The following TMEM63A variants were observed in gnomAD, a reference collection of about 807,000 sequenced individuals.
The protein encoded by TMEM63A is mechanosensitive cation channel TMEM63A.
TMEM63A carries 76 observed loss-of-function variants against 100.6 expected under a neutral mutation model. The observed-to-expected ratio is 0.76, with a 90% CI of 0.63 to 0.91. The LOEUF (loss-of-function observed/expected upper bound fraction) is 0.91, where lower values mean the gene tolerates loss of function less well. TMEM63A is among the 40% of genes least tolerant of loss of function. The probability of loss-of-function intolerance (pLI) is 0.00; values close to 1 mark genes in which losing one functional copy is unlikely to be tolerated. For missense variants in TMEM63A, 876 were observed against 1,008.8 expected, an observed-to-expected ratio of 0.87 and a Z score of 1.78; for synonymous variants, 401 against 401.1, an observed-to-expected ratio of 1.00 and a Z score of 0.00.
In TMEM63A at chr1:225,862,673, A is replaced by G. The variant is rs1232010397; in HGVS notation, c.828-95T>C. On this transcript the variant is annotated intron_variant, in intron 11 of 24. Transcript: ENST00000366835. This position sits in a 1 kb window ranked among gnomAD's most constrained non-coding sequence, Gnocchi z 5.1. Reference sequence around the variant, plus strand: ...GTTCAACCATCGAACGCCAGGGGAGAAGGAGGGGTCCAGGGCCTCCCGCCT... The same window carrying G: ...GTTCAACCATCGAACGCCAGGGGAGGAGGAGGGGTCCAGGGCCTCCCGCCT... 2.5e-6 allele frequency: 4 copies of G among 1,603,534 alleles called. No homozygotes were observed. Among genetic ancestry groups the G allele is most frequent in the Middle Eastern group, 1.9e-4 (1 of 5,150 alleles).
downstream of TMEM63A, among the ~76,000 whole-genome samples, chr1:225,843,179 G>A (rs1006549647): frequency 2.6e-5 from 4 of 151,344 alleles, no homozygotes; most frequent in African/African-American, 9.8e-5. Flanking sequence ...GAATGAATGC[G>A]CAAAGGACTG....
rs1311533580 is a variant in TMEM63A, at chr1:225,866,563, G to A, written c.675+11C>T. The stretch of plus-strand genomic sequence containing the variant: ...CTCCCAGCACATGTCCCTAAGTCCC[G>A]CCTCACTCACCAGGTTCTCCTCTTT... On this transcript the variant is annotated intron_variant, in intron 9 of 24. Coordinates refer to ENST00000366835, the MANE Select transcript of TMEM63A (RefSeq NM_014698.3). 13 of 1,611,750 alleles carry A rather than the reference G, an allele frequency of 8.1e-6. No homozygotes were observed. Among genetic ancestry groups the A allele is most frequent in the South Asian group, 4.4e-5 (4 of 90,912 alleles).
chr1:225,854,172 G>T (rs1347546236), intron 18 of TMEM63A, among the ~76,000 whole-genome samples: 4 of 152,152 alleles, frequency 2.6e-5, no homozygotes, highest in Non-Finnish European at 5.9e-5. Flanking sequence ...GAAGGAGCAA[G>T]TCATCCCCAA....
At chr1:225,852,417 TG>T (rs1415613453) in intron 20 of TMEM63A, among the ~76,000 whole-genome samples, 1 of 151,760 alleles carries the variant, frequency 6.6e-6, no homozygotes, top group Non-Finnish European at 1.5e-5. Flanking sequence ...GCCCAGGAGG[TG>T]GGGGTTGCAG....
downstream of TMEM63A, among the ~76,000 whole-genome samples, chr1:225,844,092 A>G (rs536190301): frequency 9.1e-4 from 138 of 152,284 alleles, no homozygotes; most frequent in African/African-American, 3.2e-3. Flanking sequence ...TATGTCCCAT[A>G]GGCTGTTGAG....
chr1:225,853,646 G>T lies in TMEM63A; in HGVS notation c.1780C>A (p.Arg594Ser). 1.9e-6 allele frequency: 3 copies of T among 1,569,190 alleles called. No individual in the cohort carries two copies. Among genetic ancestry groups the T allele is most frequent in the East Asian group, 2.3e-5 (1 of 42,986 alleles). The change falls in exon 19 of 25, where the codon CGC becomes AGC. Residue 594 changes from arginine to serine, a missense_variant. By Grantham distance (110) the Arg-to-Ser change is moderately radical (BLOSUM62 -1). Around this residue, in one of 5 missense-constraint regions of TMEM63A, gnomAD observed 339 missense variants for 342.3 expected, o/e 0.99. Coordinates refer to ENST00000366835, the MANE Select transcript of TMEM63A (RefSeq NM_014698.3). The surrounding 1 kb of genome is among the most constrained non-coding windows in gnomAD (Gnocchi z 4.0). ...GATGGCACCTGCTTGACATTCCTGC[G>T]GTCAGCAGCCGTCTTGGCCATGATC... ...RMIMAKTAAD[R>S]RNVKQNQAFQ... is the part of the protein sequence containing the mutation.
chr1:225,867,025 G>C lies in TMEM63A; in HGVS notation c.566+87C>G. 1 of 1,412,750 alleles carries C rather than the reference G, an allele frequency of 7.1e-7. No homozygotes were observed. The highest frequency in any genetic ancestry group is 1.8e-4 in the Middle Eastern group (1 of 5,570). 87.5% of individuals were successfully genotyped at this position (1,412,750 alleles called of 1,614,324 possible). A position where few individuals can be genotyped will look rare whatever the true frequency, so the allele number is the denominator to read the frequency against. ...TTCAGATACCAGCCGGCCCCCTTTG[G>C]AGTACCTCTGGCCTGCCCCGGGCTC... On this transcript the variant is annotated intron_variant, in intron 8 of 24. Coordinates refer to ENST00000366835, the MANE Select transcript of TMEM63A (RefSeq NM_014698.3). This position sits in a 1 kb window ranked among gnomAD's most constrained non-coding sequence, Gnocchi z 4.6.
chr1:225,856,935 G>A lies in TMEM63A; in HGVS notation c.1460C>T (p.Thr487Ile), dbSNP rs757166107. ...ALLPSIVYYS[T>I]LLESHWTKSG... ...CTTGGTCCAGTGAGACTCCAGCAGT[G>A]TAGAGTAGTAGACAATGGAGGGGAG... Residue 487 changes from threonine to isoleucine, a missense_variant, in exon 16 of 25, where the codon ACA (threonine) becomes ATA (isoleucine). Thr to Ile is a moderately conservative substitution (Grantham distance 89, BLOSUM62 -1). This residue lies in a region of TMEM63A where 487 missense variants were observed against 581.9 expected (regional missense o/e 0.84). Coordinates refer to ENST00000366835, the MANE Select transcript of TMEM63A (RefSeq NM_014698.3). The A allele has an allele frequency of 2.5e-6, 4 of 1,608,992 alleles. No homozygotes were observed. The highest frequency in any genetic ancestry group is 2.2e-5 in the East Asian group (1 of 44,790).
chr1:225,845,576 C>T lies in TMEM63A; in HGVS notation c.*1363G>A. The stretch of plus-strand genomic sequence containing the variant: ...CTTTACTCTAAAAGCGGCTGGAACT[C>T]AGTGACATGAGCGTGCGCTGACCCC... On this transcript the variant is annotated 3_prime_UTR_variant, in exon 25 of 25. Coordinates refer to ENST00000366835, the MANE Select transcript of TMEM63A (RefSeq NM_014698.3). The T allele has an allele frequency of 1.7e-6, 1 of 597,752 alleles. No homozygotes were observed. The highest frequency in any genetic ancestry group is 3.0e-6 in the Non-Finnish European group (1 of 337,126). 37.0% of individuals were successfully genotyped at this position (597,752 alleles called of 1,614,324 possible).
rs746221531 is a variant in TMEM63A at position 225,862,883 on chromosome 1, A to G, written c.747-32T>C. The G allele has an allele frequency of 3.7e-6, 6 of 1,606,442 alleles. No homozygotes were observed. Among genetic ancestry groups the G allele is most frequent in the South Asian group, 1.1e-5 (1 of 90,166 alleles). ...CCAGGGAGAGAAGGAGGCAAAAGACACCGTTGGAAAAGAAAACACCCCAAG... is the reference window on the plus strand; with the variant it reads ...CCAGGGAGAGAAGGAGGCAAAAGACGCCGTTGGAAAAGAAAACACCCCAAG... On this transcript the variant is annotated intron_variant, in intron 10 of 24. Transcript: ENST00000366835. The surrounding 1 kb of genome is among the most constrained non-coding windows in gnomAD (Gnocchi z 5.1).
chr1:225,856,327 GTTTTTTT>G (rs71574544), intron 17 of TMEM63A, among the ~76,000 whole-genome samples: 1 of 108,052 alleles, frequency 9.3e-6, no homozygotes. Context: ...TTTCAAGCTG[GTTTTTTT>G]TTTTTTTTTT....
chr1:225,840,706 G>A (rs995651714), downstream of TMEM63A, among the ~76,000 whole-genome samples: 8 of 152,140 alleles, frequency 5.3e-5, no homozygotes, highest in Non-Finnish European at 1.0e-4. Flanking sequence ...TCACAGAACT[G>A]TAAAATAGCT....
intron 5 of TMEM63A, 132 bp downstream of exon 5, chr1:225,871,855 G>A: frequency 4.6e-6 from 3 of 658,374 alleles, no homozygotes; most frequent in South Asian, 3.8e-5. Flanking sequence ...CCAAGTTCAG[G>A]TGCCTTCGTC....
rs940238316 is a variant in TMEM63A at position 225,866,864 on chromosome 1, G to A, written c.567-182C>T. ...TCAGCCCACAGTGAATACTTCAGAGGGGTCCCCATCCCTGTCCTGACAAAT... is the reference window on the plus strand; with the variant it reads ...TCAGCCCACAGTGAATACTTCAGAGAGGTCCCCATCCCTGTCCTGACAAAT... On this transcript the variant is annotated intron_variant, in intron 8 of 24. Transcript: ENST00000366835. 10 of 683,036 alleles carry A rather than the reference G, an allele frequency of 1.5e-5. No individual in the cohort carries two copies. The East Asian group carries it at 2.7e-4, about 18-fold the overall frequency. 42.3% of individuals were successfully genotyped at this position (683,036 alleles called of 1,614,324 possible). A position where few individuals can be genotyped will look rare whatever the true frequency, so the allele number is the denominator to read the frequency against.
rs2102629293 is a variant in TMEM63A at position 225,866,571 on chromosome 1, C to T, written c.675+3G>A. 2 of 1,613,610 alleles carry T rather than the reference C, an allele frequency of 1.2e-6. No homozygotes were observed. Among genetic ancestry groups the T allele is most frequent in the East Asian group, 2.2e-5 (1 of 44,870 alleles). ...ACATGTCCCTAAGTCCCGCCTCACT[C>T]ACCAGGTTCTCCTCTTTGTACTTAA... On this transcript the variant is annotated splice_donor_region_variant and intron_variant, in intron 9 of 24. Transcript: ENST00000366835.
chr1:225,860,027 C>T (rs1669860531), intron 14 of TMEM63A: 1 of 153,328 alleles, frequency 6.5e-6, no homozygotes, highest in African/African-American at 2.4e-5. Flanking sequence ...AGCTGGGGTA[C>T]AGGAAGGAGG....
At chr1:225,845,213 TG>T (rs1559028540), downstream of TMEM63A, 2 of 1,614,148 alleles carry the variant, frequency 1.2e-6, no homozygotes, top group African/African-American at 1.3e-5. Context: ...GCCTGAAAAG[TG>T]GGTGAGGTTC....
At chr1:225,874,446 C>T in intron 3 of TMEM63A, 79 bp from the exon 4 acceptor site, 2 of 1,267,668 alleles carry the variant, frequency 1.6e-6, no homozygotes, top group African/African-American at 1.5e-5. Flanking sequence ...AGGGGTAAAG[C>T]CCACCTGCCC....
chr1:225,844,385 TGAG>T, downstream of TMEM63A: 1 of 1,545,642 alleles, frequency 6.5e-7, no homozygotes, highest in Non-Finnish European at 8.9e-7. Flanking sequence ...GCATGAGGTC[TGAG>T]GAGGGAAGCC....
Sources: gnomAD v4.1 joint callset for allele counts (sites outside exome capture counted in the v4.1 genomes callset) on GRCh38, gnomAD v4.1.1 for gene constraint, gnomAD v4.1.1 regional missense constraint, Gnocchi (gnomAD v3.1) non-coding constraint, MANE v1.5 for transcripts, NCBI Gene and HGNC (gene_info 2026-07-23, HGNC 2026-07-21) for gene names.